Variants in SGCD observed in about 807,000 individuals in gnomAD.
SGCD encodes the protein delta-sarcoglycan.
SGCD carries 18 observed loss-of-function variants against 36.6 expected under a neutral mutation model. The ratio of observed to expected loss-of-function variants is 0.49; its 90% confidence interval spans 0.34 to 0.73. The LOEUF is 0.73. SGCD is among the 30% of genes least tolerant of loss of function. The pLI, the probability that SGCD is intolerant of heterozygous loss-of-function variation, is 0.01. For missense variants in SGCD, 387 were observed against 346.7 expected (o/e 1.12, Z -0.92); for synonymous variants, 133 against 130.6 (o/e 1.02, Z -0.12).
rs573278623 is a variant in SGCD, at chr5:156,132,458, C to CTTTT, written c.-44+8464_-44+8467dup. 8.1e-4 allele frequency among the ~76,000 whole-genome samples: 42 copies of CTTTT among 51,782 alleles called. 11 individuals carry two copies. Among genetic ancestry groups the CTTTT allele is most frequent in the African/African-American group, 3.3e-3 (34 of 10,380 alleles). The allele number at this position is 51,782 out of a possible 152,430, so 34.0% of individuals were successfully genotyped here. A position where few individuals can be genotyped will look rare whatever the true frequency, so the allele number is the denominator to read the frequency against. On this transcript the variant is annotated intron_variant, in intron 3 of 9. Coordinates refer to the SGCD transcript ENST00000517913. ...CGGAACTGTGGCTAACTTACCAAGT[C>CTTTT]TTTTTTTTTTTTTTTTTTTTTTTTT... is the stretch of plus-strand genomic sequence containing the variant.
the SGCD span, among the ~76,000 whole-genome samples, chr5:155,731,557 G>C: frequency 6.6e-6 from 1 of 152,210 alleles, no homozygotes; most frequent in Non-Finnish European, 1.5e-5. Context: ...GAACCCATTG[G>C]AGATGACACA....
intron 6 of SGCD, among the ~76,000 whole-genome samples, chr5:156,598,208 G>C (rs188836889): frequency 6.6e-6 from 1 of 152,058 alleles, no homozygotes; most frequent in African/African-American, 2.4e-5. Context: ...TTCTTGGCTG[G>C]TGTGGAGGGA....
chr5:155,770,735 T>C, the SGCD span, among the ~76,000 whole-genome samples: 4 of 152,290 alleles, frequency 2.6e-5, no homozygotes, highest in South Asian at 6.2e-4. Flanking sequence ...CATTATTGAA[T>C]GCTGTGGCTG....
intron 3 of SGCD, among the ~76,000 whole-genome samples, chr5:156,183,347 C>T (rs554400473): frequency 6.6e-6 from 1 of 152,252 alleles, no homozygotes; most frequent in East Asian, 1.9e-4. Context: ...CACAGTACCC[C>T]ACTTGGCCTA....
chr5:156,714,115 C>T (rs982140905), intron 7 of SGCD, among the ~76,000 whole-genome samples: 2 of 152,186 alleles, frequency 1.3e-5, no homozygotes, highest in Non-Finnish European at 2.9e-5. Context: ...TTATTTGTAA[C>T]CCAGAATCCA....
chr5:155,917,680 AC>A (rs1346920452), intron 1 of SGCD, among the ~76,000 whole-genome samples: 1 of 152,138 alleles, frequency 6.6e-6, no homozygotes, highest in Non-Finnish European at 1.5e-5. Flanking sequence ...GCAGAAAGAC[AC>A]CTTATCAGGA....
chr5:155,728,629 G>A, the SGCD span, among the ~76,000 whole-genome samples: 1 of 152,136 alleles, frequency 6.6e-6, no homozygotes, highest in Admixed American at 6.5e-5. Flanking sequence ...TTCCGCAGCC[G>A]CTTGGCCGGC....
At chr5:156,034,545 T>C (rs566348305) in intron 1 of SGCD, among the ~76,000 whole-genome samples, 4 of 152,306 alleles carry the variant, frequency 2.6e-5, no homozygotes, top group Non-Finnish European at 5.9e-5. Context: ...ACTCTGTACT[T>C]CTTTGTAATA....
chr5:155,750,568 C>G, the SGCD span, among the ~76,000 whole-genome samples: 1 of 152,224 alleles, frequency 6.6e-6, no homozygotes, highest in African/African-American at 2.4e-5. Context: ...GGTCCTCTTT[C>G]TAGTCTGTAT....
chr5:156,141,625 G>T (rs141248255), intron 3 of SGCD, among the ~76,000 whole-genome samples: 4 of 152,262 alleles, frequency 2.6e-5, no homozygotes, highest in African/African-American at 9.6e-5. Flanking sequence ...GACCCTCAGA[G>T]ATACAAGATA....
the SGCD span, among the ~76,000 whole-genome samples, chr5:155,748,435 A>G: frequency 1.3e-5 from 2 of 152,006 alleles, no homozygotes; most frequent in Non-Finnish European, 2.9e-5. Context: ...GACTACTACC[A>G]CAGACATACC....
At chr5:156,381,499 T>C (rs1211306825) in intron 3 of SGCD, among the ~76,000 whole-genome samples, 3 of 146,006 alleles carry the variant, frequency 2.1e-5, no homozygotes, top group African/African-American at 7.4e-5. Flanking sequence ...CTTTTTGTTA[T>C]CATTCATCCA....
At chr5:156,568,775 G>C (rs1759599039) in intron 4 of SGCD, among the ~76,000 whole-genome samples, 1 of 152,196 alleles carries the variant, frequency 6.6e-6, no homozygotes, top group South Asian at 2.1e-4. Flanking sequence ...ATAGATATAA[G>C]TTCAAGGATA....
intron 7 of SGCD, among the ~76,000 whole-genome samples, 171 bp from the exon 8 acceptor site, chr5:156,757,410 T>C (rs1278449212): frequency 6.6e-6 from 1 of 151,714 alleles, no homozygotes; most frequent in Non-Finnish European, 1.5e-5. Flanking sequence ...AGATAAAGCC[T>C]AGACTTATTA....
chr5:155,744,491 C>T, the SGCD span, among the ~76,000 whole-genome samples: 4 of 151,858 alleles, frequency 2.6e-5, no homozygotes, highest in Non-Finnish European at 5.9e-5. Flanking sequence ...AATAAATGAA[C>T]ATTTGAAGGA....
chr5:156,571,761 A>G (rs891454951), intron 4 of SGCD, among the ~76,000 whole-genome samples: 10 of 152,248 alleles, frequency 6.6e-5, no homozygotes, highest in Admixed American at 1.3e-4. Flanking sequence ...GTGGTAAAAT[A>G]CACATGATAT....
At position 156,549,914 on chromosome 5, in the gene SGCD, TA is replaced by T. The variant is rs139219160; in HGVS notation, c.295-39315del. 5.2e-4 allele frequency among the ~76,000 whole-genome samples: 79 copies of T among 152,286 alleles called. 1 individual carries two copies. In the East Asian group the frequency reaches 0.012, roughly 23 times the overall value. On this transcript the variant is annotated intron_variant, in intron 4 of 8. Transcript: ENST00000337851. ...TAGAAAAGTGGAAACTGAATGCAAA[TA>T]ACCCTTATCAACATAAAAATAATAA...
intron 3 of SGCD, among the ~76,000 whole-genome samples, chr5:156,288,715 A>G (rs758392014): frequency 4.6e-5 from 7 of 151,386 alleles, no homozygotes; most frequent in South Asian, 2.1e-4. Context: ...CTTTAGTTCA[A>G]TTTTTTTTTC....
At chr5:156,118,175 C>A (rs2127601662) in intron 2 of SGCD, among the ~76,000 whole-genome samples, 1 of 152,124 alleles carries the variant, frequency 6.6e-6, no homozygotes, top group South Asian at 2.1e-4. Context: ...GGCCCACTGT[C>A]TAGATTTGAG....
Sources: gnomAD v4.1 joint callset for allele counts (sites outside exome capture counted in the v4.1 genomes callset) on GRCh38, gnomAD v4.1.1 for gene constraint, MANE v1.5 for transcripts, NCBI Gene and HGNC (gene_info 2026-07-23, HGNC 2026-07-21) for gene names.